The following CARM1 variants were observed in gnomAD, a reference collection of about 807,000 sequenced individuals.
CARM1 encodes the protein histone-arginine methyltransferase CARM1.
A neutral mutation model predicts 72.7 loss-of-function variants in CARM1; 14 were observed. The ratio of observed to expected loss-of-function variants is 0.19; its 90% CI spans 0.13 to 0.30. CARM1 has a LOEUF of 0.30. CARM1 is among the 10% of genes least tolerant of loss of function. CARM1 has a pLI of 1.00. For missense variants in CARM1, 432 were observed against 833.7 expected (o/e 0.52, Z 5.93); for synonymous variants, 333 against 345.5 (o/e 0.96, Z 0.40).
chr19:10,891,939 C>T lies in CARM1; in HGVS notation c.221-13012C>T, dbSNP rs555373141. Among the ~76,000 whole-genome samples the T allele has an allele frequency of 3.9e-5, 6 of 152,264 alleles. No homozygotes were observed. The South Asian group carries it at 1.0e-3, about 26-fold the overall frequency. On this transcript the variant is annotated intron_variant, in intron 1 of 15. Transcript: ENST00000327064. ...GGATTGAAAAGTATGACTTGCTTCC[C>T]GGAGGCAGCACTGAAGTCACTTTAT... is the stretch of plus-strand genomic sequence containing the variant.
chr19:10,912,153 G>A lies in CARM1; in HGVS notation c.559-31G>A, dbSNP rs894464794. The A allele has an allele frequency of 6.5e-7, 1 of 1,545,146 alleles. No homozygotes were observed. The highest frequency in any genetic ancestry group is 9.0e-7 in the Non-Finnish European group (1 of 1,117,046). Reference sequence around the variant, plus strand: ...CCTCCCCATCACCGTCGCCTCCTATGTCTCGCTCTCACCTCCCACTCCTCC... The same window carrying A: ...CCTCCCCATCACCGTCGCCTCCTATATCTCGCTCTCACCTCCCACTCCTCC... On this transcript the variant is annotated intron_variant, in intron 4 of 15. Coordinates refer to ENST00000327064, the MANE Select transcript of CARM1 (RefSeq NM_199141.2). The surrounding 1 kb of genome is among the most constrained non-coding windows in gnomAD (Gnocchi z 4.5).
chr19:10,879,801 AC>A (rs2073888542), intron 1 of CARM1, among the ~76,000 whole-genome samples: 1 of 152,122 alleles, frequency 6.6e-6, no homozygotes, highest in African/African-American at 2.4e-5. Context: ...TTTAGTAGAT[AC>A]GGGGGTCTCA....
chr19:10,876,081 G>A (rs2073862318), intron 1 of CARM1, among the ~76,000 whole-genome samples: 1 of 151,844 alleles, frequency 6.6e-6, no homozygotes, highest in Non-Finnish European at 1.5e-5. Context: ...GTTTCTCCGT[G>A]TTGGTCAGGC....
chr19:10,887,404 C>T (rs866889994), intron 1 of CARM1, among the ~76,000 whole-genome samples: 3 of 152,284 alleles, frequency 2.0e-5, no homozygotes, highest in Middle Eastern at 3.4e-3. Context: ...TCTGGAATCA[C>T]ATCTGGCGAA....
rs759747560 is a variant in CARM1, at chr19:10,921,743, C to T, written c.1813C>T (p.His605Tyr). The change falls in exon 16 of 16, where the codon CAC becomes TAC. Residue 605 changes from histidine (H) to tyrosine (Y), a missense_variant. His to Tyr is a moderately conservative substitution (Grantham distance 83, BLOSUM62 2). This residue lies in a region of CARM1 where 142 missense variants were observed against 188.7 expected (regional missense o/e 0.75). Transcript: ENST00000327064. Reference protein sequence around the residue: ...SPMSIPTNTMHYGS With the variant: ...SPMSIPTNTMYYGS ...CATGTCCATCCCGACCAACACCATGCACTACGGGAGCTAGGGGCCCGCCCC... is the reference window on the plus strand; with the variant it reads ...CATGTCCATCCCGACCAACACCATGTACTACGGGAGCTAGGGGCCCGCCCC... The T allele has an allele frequency of 2.5e-6, 4 of 1,606,932 alleles. No individual in the cohort carries two copies. The Admixed American group carries it at 6.8e-5, about 27-fold the overall frequency.
chr19:10,890,331 G>A (rs1330727548), intron 1 of CARM1, among the ~76,000 whole-genome samples: 5 of 149,520 alleles, frequency 3.3e-5, no homozygotes, highest in African/African-American at 9.9e-5. Context: ...GCAGTGGCGC[G>A]ATCTTGGCTC....
At chr19:10,885,898 T>C (rs1359055001) in intron 1 of CARM1, among the ~76,000 whole-genome samples, 10 of 148,644 alleles carry the variant, frequency 6.7e-5, no homozygotes, top group Admixed American at 3.3e-4. Flanking sequence ...ATTTTTTTTT[T>C]TTTTTTTTTT....
chr19:10,893,920 C>A (rs1302953037), intron 1 of CARM1, among the ~76,000 whole-genome samples: 1 of 152,326 alleles, frequency 6.6e-6, no homozygotes, highest in East Asian at 1.9e-4. Flanking sequence ...AAACCTAAGT[C>A]CTCCTTGATG....
chr19:10,887,996 C>T (rs538194922), intron 1 of CARM1, among the ~76,000 whole-genome samples: 1 of 152,346 alleles, frequency 6.6e-6, no homozygotes, highest in East Asian at 1.9e-4. Context: ...GTCCCAGTCG[C>T]TCTGGGAGAT....
chr19:10,916,677 G>T lies in CARM1; in HGVS notation c.939-19G>T. On this transcript the variant is annotated intron_variant, in intron 7 of 15. Transcript: ENST00000327064. This position sits in a 1 kb window ranked among gnomAD's most constrained non-coding sequence, Gnocchi z 4.4. Reference sequence around the variant, plus strand: ...TTCTGCAGCCCTGACCTTGCTGTGGGGGTGGGGCCTGTCCACAGGTACCAG... The same window carrying T: ...TTCTGCAGCCCTGACCTTGCTGTGGTGGTGGGGCCTGTCCACAGGTACCAG... 6.4e-7 allele frequency: 1 copy of T among 1,567,196 alleles called. No individual in the cohort carries two copies. Among genetic ancestry groups the T allele is most frequent in the East Asian group, 2.3e-5 (1 of 42,838 alleles).
chr19:10,907,086 T>C (rs1309406040), intron 2 of CARM1, among the ~76,000 whole-genome samples: 1 of 150,754 alleles, frequency 6.6e-6, no homozygotes, highest in Admixed American at 6.6e-5. Flanking sequence ...TCTGTATTTT[T>C]AATAGAGACA....
intron 1 of CARM1, among the ~76,000 whole-genome samples, chr19:10,898,721 C>T (rs1251364352): frequency 1.3e-5 from 2 of 152,226 alleles, no homozygotes; most frequent in African/African-American, 4.8e-5. Context: ...GGCCCCAAGG[C>T]TCCCTTCTAC....
In CARM1 at chr19:10,896,442, C is replaced by T. The variant is rs1393007457; in HGVS notation, c.221-8509C>T. On this transcript the variant is annotated intron_variant, in intron 1 of 15. Transcript: ENST00000327064. The surrounding 1 kb of genome is among the most constrained non-coding windows in gnomAD (Gnocchi z 5.2). ...ACCAAGAGCTGCCCTCTTCCCCATC[C>T]CCATTGCCTCCTGCCTGGCCAGCCA... Among the ~76,000 whole-genome samples, 1 of 152,054 alleles carries T rather than the reference C, an allele frequency of 6.6e-6. No individual in the cohort carries two copies. The highest frequency in any genetic ancestry group is 2.4e-5 in the African/African-American group (1 of 41,410).
At position 10,920,226 on chromosome 19, in the gene CARM1, G is replaced by A. The variant is rs1329572696; in HGVS notation, c.1197-210G>A. Among the ~76,000 whole-genome samples, 1 of 152,086 alleles carries A rather than the reference G, an allele frequency of 6.6e-6. No homozygotes were observed. The highest frequency in any genetic ancestry group is 2.4e-5 in the African/African-American group (1 of 41,408). On this transcript the variant is annotated intron_variant, in intron 10 of 15. Transcript: ENST00000327064. This position sits in a 1 kb window ranked among gnomAD's most constrained non-coding sequence, Gnocchi z 5.3. ...CTTGGCACATGTCAGGGTGAGTAGG[G>A]ATCTCGTGGTTGCGGGCCCCTCGTG...
intron 14 of CARM1, 64 bp from the exon 15 acceptor site, chr19:10,921,311 G>T (rs966784448): frequency 6.4e-7 from 1 of 1,573,116 alleles, no homozygotes; most frequent in African/African-American, 1.4e-5. Flanking sequence ...TGCTGTGCAT[G>T]GGCTGGGTGG....
rs76734319 is a variant in CARM1, at chr19:10,912,718, C to T, written c.669+424C>T. On this transcript the variant is annotated intron_variant, in intron 5 of 15. Coordinates refer to ENST00000327064, the MANE Select transcript of CARM1 (RefSeq NM_199141.2). The surrounding 1 kb of genome is among the most constrained non-coding windows in gnomAD (Gnocchi z 4.5). ...ACCAGTGGAGGCTGCACCCTCCATT[C>T]CCTGCTCTGCCTCTCCCATGGATCT... 0.047 allele frequency among the ~76,000 whole-genome samples: 7,154 copies of T among 151,900 alleles called. 233 individuals carry two copies. The highest frequency in any genetic ancestry group is 0.099 in the Middle Eastern group (29 of 292).
chr19:10,885,589 A>G (rs540635533), intron 1 of CARM1, among the ~76,000 whole-genome samples: 38 of 152,348 alleles, frequency 2.5e-4, no homozygotes, highest in African/African-American at 8.9e-4. Context: ...GGCAGGGGGC[A>G]TGTGAATAAA....
chr19:10,914,878 C>T (rs1009701023), intron 6 of CARM1, among the ~76,000 whole-genome samples: 1 of 152,200 alleles, frequency 6.6e-6, no homozygotes, highest in Admixed American at 6.5e-5. Context: ...TCTATTTGCC[C>T]ATCTGTCTTG....
rs563834147 is a variant in CARM1, at chr19:10,883,994, G to A, written c.220+12072G>A. Among the ~76,000 whole-genome samples the A allele has an allele frequency of 1.9e-3, 286 of 150,390 alleles. 1 individual carries two copies. The highest frequency in any genetic ancestry group is 6.6e-3 in the African/African-American group (272 of 41,058). On this transcript the variant is annotated intron_variant, in intron 1 of 15. Transcript: ENST00000327064. Reference sequence around the variant, plus strand: ...GATCATGCCACTGCACTCCGGCCTGGGTGACAGAGCGAGACTCTGTTTTTT... The same window carrying A: ...GATCATGCCACTGCACTCCGGCCTGAGTGACAGAGCGAGACTCTGTTTTTT...
Sources: gnomAD v4.1 joint callset for allele counts (sites outside exome capture counted in the v4.1 genomes callset) on GRCh38, gnomAD v4.1.1 for gene constraint, gnomAD v4.1.1 regional missense constraint, Gnocchi (gnomAD v3.1) non-coding constraint, MANE v1.5 for transcripts, NCBI Gene and HGNC (gene_info 2026-07-23, HGNC 2026-07-21) for gene names.